Variants in RHCE observed in about 807,000 individuals in gnomAD.
RHCE encodes the protein blood group Rh(CE) polypeptide.
In RHCE, 22 loss-of-function variants were observed where a neutral mutation model predicts 43.8. The ratio of observed to expected loss-of-function variants is 0.50; its 90% CI spans 0.36 to 0.72. RHCE has a LOEUF of 0.72. Ranked by LOEUF, RHCE falls within the 30% of genes least tolerant of loss-of-function variation. RHCE has a pLI of 0.00. For synonymous variants in RHCE, 156 were observed against 210.7 expected (o/e 0.74, Z 2.25); for missense variants, 385 against 525.4 (o/e 0.73, Z 2.61).
chr1:25,401,947 G>A (rs533508608), intron 3 of RHCE, among the ~76,000 whole-genome samples: 10 of 152,130 alleles, frequency 6.6e-5, no homozygotes, highest in Admixed American at 5.2e-4. Flanking sequence ...CGCGATCTCA[G>A]TTCACTGCAA....
chr1:25,370,369 T>C (rs1356405646), intron 9 of RHCE, 98 bp downstream of exon 9: 1 of 1,049,932 alleles, frequency 9.5e-7, no homozygotes. Context: ...ATTTTTGTTT[T>C]TGTTTTACTC....
chr1:25,396,117 A>T (rs57314709), intron 3 of RHCE, among the ~76,000 whole-genome samples: 6,196 of 149,964 alleles, frequency 0.041, 113 homozygotes, highest in African/African-American at 0.14. Context: ...CCTACCAAAA[A>T]TGCATACCCA....
intron 3 of RHCE, among the ~76,000 whole-genome samples, chr1:25,393,610 G>C (rs684422): frequency 0.6 from 90,612 of 150,984 alleles, 27,299 homozygotes; most frequent in Admixed American, 0.69. Flanking sequence ...GACAGAGTGA[G>C]ACTGCGTCAA....
Position 25,402,698 on chromosome 1 carries a change from A to T in RHCE, c.384T>A (p.Gly128=). 1 of 1,614,064 alleles carries T rather than the reference A, an allele frequency of 6.2e-7. No individual in the cohort carries two copies. The highest frequency in any genetic ancestry group is 8.5e-7 in the Non-Finnish European group (1 of 1,180,018). Residue 128 remains glycine, a synonymous_variant, in exon 3 of 10, where the codon GGT becomes GGA. Coordinates refer to ENST00000294413, the MANE Select transcript of RHCE (RefSeq NM_020485.8). ...CCAAGTTGACCTTCCCCAAGACAGC[A>T]CCCGCTGAGATCAGCACCGACATAG... ...MSAMSVLISA[G]AVLGKVNLAQ...
At chr1:25,388,625 G>A (rs537606666) in intron 6 of RHCE, among the ~76,000 whole-genome samples, 4 of 152,296 alleles carry the variant, frequency 2.6e-5, no homozygotes, top group African/African-American at 9.6e-5. Context: ...GGTCTATAGA[G>A]TAAGAATAAA....
intron 9 of RHCE, among the ~76,000 whole-genome samples, chr1:25,367,956 C>T (rs1282589673): frequency 3.3e-5 from 5 of 150,350 alleles, no homozygotes; most frequent in Admixed American, 6.6e-5. Flanking sequence ...GTGTGGGTGG[C>T]GGAGTGAGAC....
In RHCE at chr1:25,392,139, T is replaced by C. The variant is rs775811870; in HGVS notation, c.489A>G (p.Thr163=). Reference sequence around the variant, plus strand: ...AGTGCCTCAGGTTCATGTGGTAGTCTGTCTGCAATAAAACCCAGTAAGAGC... The same window carrying C: ...AGTGCCTCAGGTTCATGTGGTAGTCCGTCTGCAATAAAACCCAGTAAGAGC... ...LRMVISNIFN[T]DYHMNLRHFY... is the part of the protein sequence containing the mutation. Residue 163 remains threonine (T), a splice_region_variant and synonymous_variant, in exon 4 of 10, where the codon ACA becomes ACG. Coordinates refer to ENST00000294413, the MANE Select transcript of RHCE (RefSeq NM_020485.8). 11 of 1,614,032 alleles carry C rather than the reference T, an allele frequency of 6.8e-6. No homozygotes were observed. The South Asian group carries it at 1.1e-4, about 16-fold the overall frequency.
At chr1:25,376,704 G>A (rs1460816891) in intron 7 of RHCE, among the ~76,000 whole-genome samples, 1 of 152,158 alleles carries the variant, frequency 6.6e-6, no homozygotes. Flanking sequence ...CATGAGGTCA[G>A]GAGATGGAGA....
chr1:25,393,540 G>T (rs1646444572), intron 3 of RHCE, among the ~76,000 whole-genome samples: 1 of 152,160 alleles, frequency 6.6e-6, no homozygotes, highest in African/African-American at 2.4e-5. Context: ...AGATTCACTG[G>T]AACCTGGGAG....
intron 3 of RHCE, among the ~76,000 whole-genome samples, chr1:25,402,093 T>C (rs1228628509): frequency 6.6e-6 from 1 of 152,054 alleles, no homozygotes; most frequent in East Asian, 1.9e-4. Flanking sequence ...ACCAGGCTGG[T>C]CTTGAACTCC....
chr1:25,407,770 T>C (rs1416708199), intron 2 of RHCE, among the ~76,000 whole-genome samples: 1 of 123,658 alleles, frequency 8.1e-6, no homozygotes, highest in African/African-American at 2.5e-5. Context: ...ACAGAGAACA[T>C]TTTCTGCACC....
At chr1:25,375,940 G>A (rs1645773145) in intron 7 of RHCE, among the ~76,000 whole-genome samples, 1 of 150,396 alleles carries the variant, frequency 6.6e-6, no homozygotes, top group Non-Finnish European at 1.5e-5. Flanking sequence ...ACAGGCATGC[G>A]CCACCATACC....
chr1:25,412,475 G>A lies in RHCE; in HGVS notation c.149-3606C>T, dbSNP rs28641790. ...CACCTGTAATCCCAGCACTTTGGGA[G>A]GCCAAGGAAGGAGGATTGCTTGAGC... On this transcript the variant is annotated intron_variant, in intron 1 of 9. Coordinates refer to ENST00000294413, the MANE Select transcript of RHCE (RefSeq NM_020485.8). Among the ~76,000 whole-genome samples the A allele has an allele frequency of 4.6e-3, 696 of 152,274 alleles. 3 individuals carry two copies. The highest frequency in any genetic ancestry group is 7.2e-3 in the Admixed American group (110 of 15,298).
intron 7 of RHCE, among the ~76,000 whole-genome samples, chr1:25,379,024 C>T (rs563439418): frequency 6.6e-6 from 1 of 152,282 alleles, no homozygotes; most frequent in Non-Finnish European, 1.5e-5. Flanking sequence ...TGTATATTAT[C>T]TCAGTTCACT....
intron 8 of RHCE, among the ~76,000 whole-genome samples, chr1:25,372,724 G>A (rs1047534822): frequency 1.3e-4 from 19 of 151,708 alleles, no homozygotes; most frequent in African/African-American, 4.1e-4. Flanking sequence ...CAATTAACAA[G>A]TTAAATGCTT....
chr1:25,375,568 A>G (rs1238711048), intron 7 of RHCE, 140 bp from the exon 8 acceptor site: 1 of 1,207,136 alleles, frequency 8.3e-7, no homozygotes, highest in African/African-American at 1.5e-5. Context: ...TGGCTGGTAC[A>G]TTCCCCTGGC....
At chr1:25,405,784 G>GC (rs1201770693) in intron 2 of RHCE, among the ~76,000 whole-genome samples, 5 of 123,130 alleles carry the variant, frequency 4.1e-5, no homozygotes, top group African/African-American at 1.3e-4. Flanking sequence ...AATAAGATAG[G>GC]CCCCTCCCCT....
intron 2 of RHCE, among the ~76,000 whole-genome samples, chr1:25,403,854 A>G (rs1024950900): frequency 1.3e-5 from 2 of 151,868 alleles, no homozygotes; most frequent in African/African-American, 4.9e-5. Context: ...GGCTTGTAAC[A>G]GCATCACCTC....
intron 2 of RHCE, among the ~76,000 whole-genome samples, chr1:25,405,435 T>C (rs970397637): frequency 2.6e-5 from 4 of 152,170 alleles, no homozygotes; most frequent in African/African-American, 9.7e-5. Context: ...GGTGGATCAC[T>C]TGAGGTCAGG....
Sources: allele counts gnomAD v4.1 joint callset (sites outside exome capture counted in the v4.1 genomes callset), GRCh38; gene constraint gnomAD v4.1.1; transcripts MANE v1.5; gene names NCBI Gene and HGNC (gene_info 2026-07-23, HGNC 2026-07-21).